Variants in GPATCH8 observed in about 807,000 individuals in gnomAD.
GPATCH8 encodes the protein G-patch domain containing 8.
In GPATCH8, 18 loss-of-function variants were observed where a neutral mutation model predicts 118.3. That is an observed-to-expected ratio of 0.15 (90% CI 0.11 to 0.23). The LOEUF is 0.23. GPATCH8 is among the 10% of genes least tolerant of loss of function. The pLI is 1.00. For synonymous variants in GPATCH8, 659 were observed against 684.7 expected (o/e 0.96, Z 0.59); for missense variants, 1,631 against 1,873.8 (o/e 0.87, Z 2.39).
Position 44,397,799 on chromosome 17 carries a change from G to A in GPATCH8, c.4278C>T (p.Ile1426=). 6.3e-7 allele frequency: 1 copy of A among 1,586,226 alleles called. No individual in the cohort carries two copies. Among genetic ancestry groups the A allele is most frequent in the Non-Finnish European group, 8.6e-7 (1 of 1,163,906 alleles). ...CGAGAAAGGTGGCAGGGTGGCCAGG[G>A]ATGATTGAGTGAGTGAGGTGGGACA... is the stretch of plus-strand genomic sequence containing the variant. ...ISLSHLTHSI[I]PGHPATFLAS... Residue 1426 remains isoleucine (I), a synonymous_variant, in exon 8 of 8, where the codon ATC becomes ATT. Transcript: ENST00000591680.
At chr17:44,415,973 C>G (rs1278148362) in intron 6 of GPATCH8, among the ~76,000 whole-genome samples, 1 of 152,200 alleles carries the variant, frequency 6.6e-6, no homozygotes, top group African/African-American at 2.4e-5. Flanking sequence ...CAAAAGCAGA[C>G]AGCTCCCCTA....
intron 5 of GPATCH8, among the ~76,000 whole-genome samples, chr17:44,434,367 T>C (rs1221118975): frequency 6.6e-6 from 1 of 151,668 alleles, no homozygotes; most frequent in African/African-American, 2.4e-5. Context: ...CTGGATAAAA[T>C]AAAACACACA....
rs1224827548 is a variant in GPATCH8, at chr17:44,395,338, A to C, written c.*2230T>G. On this transcript the variant is annotated 3_prime_UTR_variant, in exon 8 of 8. Coordinates refer to ENST00000591680, the MANE Select transcript of GPATCH8 (RefSeq NM_001002909.4). The stretch of plus-strand genomic sequence containing the variant: ...CTTTCCCTCATTTTACAGCATATAT[A>C]TCTCTATCATATGTGATAAAGTTAA... The C allele has an allele frequency of 2.3e-6, 1 of 432,518 alleles. No homozygotes were observed. 26.8% of individuals were successfully genotyped at this position (432,518 alleles called of 1,614,324 possible).
At chr17:44,434,033 C>G (rs375950534) in intron 5 of GPATCH8, among the ~76,000 whole-genome samples, 1 of 151,458 alleles carries the variant, frequency 6.6e-6, no homozygotes, top group Non-Finnish European at 1.5e-5. Flanking sequence ...CCCAGCTACT[C>G]GGAGGCTAAG....
chr17:44,401,660 C>T (rs1422988588), intron 7 of GPATCH8, among the ~76,000 whole-genome samples: 1 of 152,248 alleles, frequency 6.6e-6, no homozygotes, highest in South Asian at 2.1e-4. Flanking sequence ...TGTTAACCTA[C>T]CAAATTCCCA....
At chr17:44,426,633 G>C (rs1315997931) in intron 5 of GPATCH8, among the ~76,000 whole-genome samples, 2 of 144,128 alleles carry the variant, frequency 1.4e-5, no homozygotes, top group African/African-American at 5.1e-5. Context: ...AAGGCTATCA[G>C]CACATGCTCA....
At chr17:44,408,378 A>G (rs1005066132) in intron 6 of GPATCH8, among the ~76,000 whole-genome samples, 1 of 151,712 alleles carries the variant, frequency 6.6e-6, no homozygotes, top group Non-Finnish European at 1.5e-5. Context: ...GTAGAGATGA[A>G]GTTTCATTTT....
At chr17:44,453,871 T>C (rs1332888165) in intron 3 of GPATCH8, among the ~76,000 whole-genome samples, 1 of 151,796 alleles carries the variant, frequency 6.6e-6, no homozygotes, top group Non-Finnish European at 1.5e-5. Flanking sequence ...GACCTAGAAC[T>C]CTGCTTCAAT....
rs369253371 is a variant in GPATCH8 at position 44,397,852 on chromosome 17, G to A, written c.4225C>T (p.Pro1409Ser). 1.2e-6 allele frequency: 2 copies of A among 1,604,586 alleles called. No homozygotes were observed. The highest frequency in any genetic ancestry group is 1.1e-5 in the South Asian group (1 of 90,312). ...GAAATGGGGGTCAGATGGGGCTGGG[G>A]AATATGATGCACCTGGGCAAGTGGT... Reference protein sequence around the residue: ...PQPLAQVHHIPQPHLTPISLS... With the variant: ...PQPLAQVHHISQPHLTPISLS... Residue 1409 changes from proline (P) to serine (S), a missense_variant, in exon 8 of 8, where the codon CCC (proline) becomes TCC (serine). By Grantham distance (74) the Pro-to-Ser change is moderately conservative. Transcript: ENST00000591680.
Position 44,429,649 on chromosome 17 carries a change from AACACACAC to A in GPATCH8, c.349-5165_349-5158del, listed in dbSNP as rs144232073. Among the ~76,000 whole-genome samples, 553 of 125,684 alleles carry A rather than the reference AACACACAC, an allele frequency of 4.4e-3. 5 individuals are homozygous for A. Among genetic ancestry groups the A allele is most frequent in the African/African-American group, 0.014 (497 of 35,382 alleles). 82.5% of individuals were successfully genotyped at this position (125,684 alleles called of 152,430 possible). On this transcript the variant is annotated intron_variant, in intron 5 of 7. Coordinates refer to ENST00000591680, the MANE Select transcript of GPATCH8 (RefSeq NM_001002909.4). ...ACATGGTGAAACCCCGTCTCTACTAAACACACACACACACACACACACACACACACACA... is the reference window on the plus strand; with the variant it reads ...ACATGGTGAAACCCCGTCTCTACTAAACACACACACACACACACACACACA...
chr17:44,456,121 A>C (rs964015948), intron 3 of GPATCH8, among the ~76,000 whole-genome samples: 13 of 150,232 alleles, frequency 8.7e-5, no homozygotes, highest in Non-Finnish European at 1.6e-4. Context: ...TTATTTATTT[A>C]TAGAGACAGG....
At chr17:44,500,822 G>A (rs1226045528) in intron 1 of GPATCH8, among the ~76,000 whole-genome samples, 1 of 152,154 alleles carries the variant, frequency 6.6e-6, no homozygotes, top group African/African-American at 2.4e-5. Flanking sequence ...CTTAAAAGGA[G>A]GCCACGTTTA....
intron 1 of GPATCH8, among the ~76,000 whole-genome samples, chr17:44,478,454 C>CAACT (rs1031345894): frequency 3.3e-5 from 5 of 151,970 alleles, no homozygotes; most frequent in African/African-American, 1.2e-4. Flanking sequence ...AGTTGGACAT[C>CAACT]AACTTGGGCA....
intron 1 of GPATCH8, among the ~76,000 whole-genome samples, chr17:44,493,059 T>TTTTTTTG: frequency 6.7e-6 from 1 of 149,080 alleles, no homozygotes; most frequent in African/African-American, 2.5e-5. Context: ...ATTAGGTTTT[T>TTTTTTTG]TTTTTTTTTT....
At chr17:44,429,649 A>AACACACACACACAC (rs144232073) in intron 5 of GPATCH8, among the ~76,000 whole-genome samples, 7,933 of 125,542 alleles carry the variant, frequency 0.063, 369 homozygotes, top group Middle Eastern at 0.11. Flanking sequence ...GTCTCTACTA[A>AACACACACACACAC]ACACACACAC....
At chr17:44,497,530 A>G (rs7213453) in intron 1 of GPATCH8, among the ~76,000 whole-genome samples, 91,786 of 151,826 alleles carry the variant, frequency 0.6, 27,959 homozygotes, top group Middle Eastern at 0.67. Flanking sequence ...CAAGGCTGCC[A>G]GGAGCCATGA....
chr17:44,399,000 A>C lies in GPATCH8; in HGVS notation c.3077T>G (p.Ile1026Ser), dbSNP rs1375998729. The change falls in exon 8 of 8, where the codon ATT becomes AGT. Residue 1026 changes from isoleucine to serine, a missense_variant. Ile to Ser is a moderately radical substitution (Grantham distance 142). Around this residue, in one of 8 missense-constraint regions of GPATCH8, gnomAD observed 922 missense variants for 879.7 expected, o/e 1.05. Coordinates refer to ENST00000591680, the MANE Select transcript of GPATCH8 (RefSeq NM_001002909.4). ...CTGGGAGCGGTAGATCTTAGAACGA[A>C]TGAAGTCCCGACGCCCAGAATGCCT... ...EERHSGRRDF[I>S]RSKIYRSQSP... 1 of 1,614,000 alleles carries C rather than the reference A, an allele frequency of 6.2e-7. No homozygotes were observed. The highest frequency in any genetic ancestry group is 1.1e-5 in the South Asian group (1 of 91,086).
intron 6 of GPATCH8, among the ~76,000 whole-genome samples, chr17:44,414,081 GTGTGTGTATATATATATA>G (rs1567955197): frequency 7.4e-6 from 1 of 135,026 alleles, no homozygotes; most frequent in Non-Finnish European, 1.5e-5. Context: ...ATATATATAT[GTGTGTGTATATATATATA>G]TGTGTGTATA....
intron 1 of GPATCH8, among the ~76,000 whole-genome samples, chr17:44,503,024 G>C (rs1033458055): frequency 9.2e-5 from 14 of 152,154 alleles, no homozygotes; most frequent in African/African-American, 2.9e-4. Flanking sequence ...GGCACAGATC[G>C]GGCAGACCTG....
Sources: allele counts gnomAD v4.1 joint callset (sites outside exome capture counted in the v4.1 genomes callset), GRCh38; gene constraint gnomAD v4.1.1; regional missense constraint gnomAD v4.1.1; transcripts MANE v1.5; gene names NCBI Gene and HGNC (gene_info 2026-07-23, HGNC 2026-07-21).